STAC2: variants seen among roughly 807,000 people sequenced by gnomAD.
The protein encoded by STAC2 is SH3 and cysteine-rich domain-containing protein 2.
STAC2 carries 36 observed loss-of-function variants against 49.0 expected under a neutral mutation model. That is an observed-to-expected ratio of 0.74 (90% CI 0.56 to 0.97). The LOEUF (loss-of-function observed/expected upper bound fraction) is 0.97. Among genes scored for constraint, STAC2 ranks in the 50% least tolerant of loss-of-function variants. The pLI, the probability that STAC2 is intolerant of heterozygous loss-of-function variation, is 0.00. For synonymous variants in STAC2, 239 were observed against 214.7 expected, an observed-to-expected ratio of 1.11 and a Z score of -0.99; for missense variants, 527 against 543.8, an observed-to-expected ratio of 0.97 and a Z score of 0.31.
rs1355338304 is a variant in STAC2, at chr17:39,211,998, C to A, written c.*294G>T. The A allele has an allele frequency of 2.7e-6, 1 of 367,392 alleles. No homozygotes were observed. The highest frequency in any genetic ancestry group is 5.0e-6 in the Non-Finnish European group (1 of 199,366). 22.8% of individuals were successfully genotyped at this position (367,392 alleles called of 1,614,324 possible). On this transcript the variant is annotated 3_prime_UTR_variant, in exon 11 of 11. Coordinates refer to ENST00000333461, the MANE Select transcript of STAC2 (RefSeq NM_198993.5). Reference sequence around the variant, plus strand: ...ATCTTCCCCAGGGCTGGACTCAGCCCAGCAAGTAGACTGGGGTGCCTGGGC... The same window carrying A: ...ATCTTCCCCAGGGCTGGACTCAGCCAAGCAAGTAGACTGGGGTGCCTGGGC...
intron 1 of STAC2, among the ~76,000 whole-genome samples, chr17:39,218,423 A>G (rs1354555308): frequency 1.3e-5 from 2 of 152,244 alleles, no homozygotes; most frequent in Non-Finnish European, 2.9e-5. Flanking sequence ...CCAGGTGGGC[A>G]GCAATCAAGA....
At position 39,217,993 on chromosome 17, in the gene STAC2, G is replaced by A. The variant is rs1199253117; in HGVS notation, c.271C>T (p.Pro91Ser). Reference protein sequence around the residue: ...PTASDRGLATPSPSPCPVPRP... With the variant: ...PTASDRGLATSSPSPCPVPRP... ...GGGACTGGGCATGGGGAGGGGGATGGGGTAGCCAGGCCCCTGTCCGAGGCT... is the reference window on the plus strand; with the variant it reads ...GGGACTGGGCATGGGGAGGGGGATGAGGTAGCCAGGCCCCTGTCCGAGGCT... Residue 91 changes from proline to serine, a missense_variant, in exon 2 of 11, where the codon CCA becomes TCA. Coordinates refer to ENST00000333461, the MANE Select transcript of STAC2 (RefSeq NM_198993.5). 17 of 1,585,288 alleles carry A rather than the reference G, an allele frequency of 1.1e-5. No homozygotes were observed. The Admixed American group carries it at 3.0e-4, about 28-fold the overall frequency.
intron 4 of STAC2, among the ~76,000 whole-genome samples, chr17:39,216,221 ATCC>A (rs1295283856): frequency 6.6e-6 from 1 of 151,312 alleles, no homozygotes; most frequent in Non-Finnish European, 1.5e-5. Context: ...GGCTCAAGCA[ATCC>A]TCCTGCCTCA....
chr17:39,212,899 T>G (rs2046366583), intron 10 of STAC2, 96 bp downstream of exon 10: 12 of 1,531,842 alleles, frequency 7.8e-6, no homozygotes, highest in Admixed American at 1.9e-5. Context: ...AAGATCAGCC[T>G]CCTCCTGCAG....
chr17:39,215,492 T>A (rs530958691), intron 4 of STAC2, among the ~76,000 whole-genome samples: 1 of 152,314 alleles, frequency 6.6e-6, no homozygotes, highest in East Asian at 1.9e-4. Flanking sequence ...CCTATCCACA[T>A]GTCTCCATCA....
In STAC2 at chr17:39,213,127, C is replaced by A. The variant is rs762977299; in HGVS notation, c.999G>T (p.Lys333Asn). ...GGAAGAAGCCAACCCGGTCGCCGATCTTGCCCTGGGGATGAGGTTGGCAAT... is the reference window on the plus strand; with the variant it reads ...GGAAGAAGCCAACCCGGTCGCCGATATTGCCCTGGGGATGAGGTTGGCAAT... ...DDSNEDWWKG[K>N]IGDRVGFFPA... The change falls in exon 10 of 11, where the codon AAG becomes AAT. Residue 333 changes from lysine (K) to asparagine (N), a missense_variant. Coordinates refer to ENST00000333461, the MANE Select transcript of STAC2 (RefSeq NM_198993.5). 10 of 1,607,468 alleles carry A rather than the reference C, an allele frequency of 6.2e-6. No individual in the cohort carries two copies. Among genetic ancestry groups the A allele is most frequent in the Non-Finnish European group, 8.5e-6 (10 of 1,179,984 alleles).
In STAC2 at chr17:39,213,067, C is replaced by T; in HGVS notation, c.1059G>A (p.Glu353=). 6.2e-7 allele frequency: 1 copy of T among 1,613,678 alleles called. No homozygotes were observed. The highest frequency in any genetic ancestry group is 8.5e-7 in the Non-Finnish European group (1 of 1,180,046). Residue 353 remains glutamate, a synonymous_variant, in exon 10 of 11, where the codon GAG becomes GAA. Coordinates refer to ENST00000333461, the MANE Select transcript of STAC2 (RefSeq NM_198993.5). The part of the protein sequence containing the change: ...ANFVQRVRPG[E]NVWRCCQPFS... ...AGGGTTGGCAGCAGCGCCAAACATT[C>T]TCGCCTGGCCTCACCCGTTGCACAA... is the stretch of plus-strand genomic sequence containing the variant.
Position 39,217,886 on chromosome 17 carries a change from C to T in STAC2, c.378G>A (p.Leu126=). ...HVFKRASPCE[L]CHQLIVGNSK... is the part of the protein sequence containing the mutation. ...ACCTACCTACGATGAGCTGGTGGCA[C>T]AGCTCACAAGGGCTAGCTCGCTTGA... Residue 126 remains leucine, a synonymous_variant, in exon 2 of 11, where the codon CTG becomes CTA. Coordinates refer to ENST00000333461, the MANE Select transcript of STAC2 (RefSeq NM_198993.5). 6.2e-7 allele frequency: 1 copy of T among 1,605,406 alleles called. No individual in the cohort carries two copies. The highest frequency in any genetic ancestry group is 8.5e-7 in the Non-Finnish European group (1 of 1,176,694).
rs1170969203 is a variant in STAC2, at chr17:39,217,970, G to T, written c.294C>A (p.Val98=). 1.2e-4 allele frequency: 193 copies of T among 1,591,334 alleles called. No individual in the cohort carries two copies. The highest frequency in any genetic ancestry group is 1.6e-4 in the Non-Finnish European group (191 of 1,169,880). ...LATPSPSPCP[V]PRPLAALKPV... The stretch of plus-strand genomic sequence containing the variant: ...GTTTGAGCGCTGCCAGGGGGCGTGG[G>T]ACTGGGCATGGGGAGGGGGATGGGG... The change falls in exon 2 of 11, where the codon GTC becomes GTA. Residue 98 remains valine, a synonymous_variant. Transcript: ENST00000333461.
chr17:39,216,875 C>G lies in STAC2; in HGVS notation c.521G>C (p.Ser174Thr). Residue 174 changes from serine to threonine, a missense_variant, in exon 4 of 11, where the codon AGT becomes ACT. Coordinates refer to ENST00000333461, the MANE Select transcript of STAC2 (RefSeq NM_198993.5). ...KTSTSFRRNFSSPLLVHEPPP... is the reference protein window; with the variant it reads ...KTSTSFRRNFTSPLLVHEPPP... ...CGGCTCATGCACCAGGAGAGGGGAACTGAAGTTGCGGCGGAAGGAGGTGGA... is the reference window on the plus strand; with the variant it reads ...CGGCTCATGCACCAGGAGAGGGGAAGTGAAGTTGCGGCGGAAGGAGGTGGA... 6.2e-7 allele frequency: 1 copy of G among 1,604,706 alleles called. No homozygotes were observed. The highest frequency in any genetic ancestry group is 8.5e-7 in the Non-Finnish European group (1 of 1,175,744).
intron 1 of STAC2, among the ~76,000 whole-genome samples, chr17:39,224,315 C>G (rs1031738949): frequency 1.3e-5 from 2 of 152,200 alleles, no homozygotes; most frequent in African/African-American, 4.8e-5. Flanking sequence ...GAACAAAATA[C>G]CGGGTGAAGG....
chr17:39,214,746 C>A (rs368357019), intron 7 of STAC2, 45 bp downstream of exon 7: 2 of 1,602,764 alleles, frequency 1.2e-6, no homozygotes, highest in East Asian at 2.2e-5. Context: ...AAATTACACC[C>A]GCTTCCCACC....
At chr17:39,215,324 C>T in intron 4 of STAC2, 94 bp from the exon 5 acceptor site, 1 of 1,273,276 alleles carries the variant, frequency 7.9e-7, no homozygotes, top group Non-Finnish European at 1.1e-6. Flanking sequence ...TTCCCAGCTG[C>T]CCCCTCACCT....
intron 1 of STAC2, among the ~76,000 whole-genome samples, chr17:39,221,311 G>A (rs1295242533): frequency 6.6e-6 from 1 of 151,666 alleles, no homozygotes; most frequent in African/African-American, 2.4e-5. Context: ...GTATTGGCTA[G>A]GCTGCTCTCG....
intron 1 of STAC2, among the ~76,000 whole-genome samples, chr17:39,218,627 C>T (rs1049616602): frequency 6.6e-6 from 1 of 152,036 alleles, no homozygotes; most frequent in Non-Finnish European, 1.5e-5. Flanking sequence ...TTTCCTGTGC[C>T]TTGCTTTTTT....
At chr17:39,222,210 T>C (rs2144260606) in intron 1 of STAC2, among the ~76,000 whole-genome samples, 1 of 152,198 alleles carries the variant, frequency 6.6e-6, no homozygotes, top group Non-Finnish European at 1.5e-5. Context: ...AGGAGGAGGT[T>C]CCAAGTCTCC....
intron 1 of STAC2, among the ~76,000 whole-genome samples, chr17:39,218,771 G>A (rs1366826281): frequency 6.6e-6 from 1 of 151,614 alleles, no homozygotes; most frequent in African/African-American, 2.4e-5. Flanking sequence ...AAATAGGCAC[G>A]GTATGGTGGC....
At chr17:39,215,734 C>T (rs1376151833) in intron 4 of STAC2, among the ~76,000 whole-genome samples, 6 of 152,162 alleles carry the variant, frequency 3.9e-5, no homozygotes, top group African/African-American at 9.7e-5. Flanking sequence ...GACGGAGTCT[C>T]GCTCTGCCGC....
At chr17:39,219,905 G>A (rs1354570351) in intron 1 of STAC2, among the ~76,000 whole-genome samples, 2 of 152,222 alleles carry the variant, frequency 1.3e-5, no homozygotes, top group Non-Finnish European at 2.9e-5. Context: ...GGCACGCTGG[G>A]TAGCCTACGT....
Sources: allele counts gnomAD v4.1 joint callset (sites outside exome capture counted in the v4.1 genomes callset), GRCh38; gene constraint gnomAD v4.1.1; transcripts MANE v1.5; gene names NCBI Gene and HGNC (gene_info 2026-07-23, HGNC 2026-07-21).